Variants in USP13 observed in about 807,000 individuals in gnomAD.
USP13 encodes ubiquitin carboxyl-terminal hydrolase 13.
In USP13, 68 loss-of-function variants were observed where a neutral mutation model predicts 107.8. The observed-to-expected ratio is 0.63, with a 90% CI of 0.52 to 0.77. The LOEUF (loss-of-function observed/expected upper bound fraction) is 0.77, where lower values mean the gene tolerates loss of function less well. USP13 is among the 30% of genes least tolerant of loss of function. The pLI, the probability that USP13 is intolerant of heterozygous loss-of-function variation, is 0.00. For missense variants in USP13, 945 were observed against 1,093.3 expected, an observed-to-expected ratio of 0.86 and a Z score of 1.91; for synonymous variants, 377 against 389.5, an observed-to-expected ratio of 0.97 and a Z score of 0.38.
At position 179,681,898 on chromosome 3, in the gene USP13, T is replaced by C; in HGVS notation, c.189T>C (p.Tyr63=). 1 of 1,613,872 alleles carries C rather than the reference T, an allele frequency of 6.2e-7. No individual in the cohort carries two copies. Among genetic ancestry groups the C allele is most frequent in the African/African-American group, 1.3e-5 (1 of 75,046 alleles). ...YDSPNSEGGL[Y]VCMNTFLAFG... The stretch of plus-strand genomic sequence containing the variant: ...TCTAGAATTCTGAAGGTGGACTCTA[T>C]GTATGCATGAATACATTTTTGGCCT... Residue 63 remains tyrosine, a synonymous_variant, in exon 2 of 21, where the codon TAT becomes TAC. Coordinates refer to ENST00000263966, the MANE Select transcript of USP13 (RefSeq NM_003940.3).
chr3:179,705,482 T>C (rs998309053), intron 4 of USP13, among the ~76,000 whole-genome samples: 2 of 152,210 alleles, frequency 1.3e-5, no homozygotes, highest in Non-Finnish European at 2.9e-5. Context: ...TCTAGCTCTA[T>C]AGATTTGTCT....
At chr3:179,702,445 A>G (rs1712569287) in intron 4 of USP13, among the ~76,000 whole-genome samples, 1 of 152,016 alleles carries the variant, frequency 6.6e-6, no homozygotes. Flanking sequence ...TCCCTCCTCA[A>G]ACCATGCCAG....
intron 10 of USP13, among the ~76,000 whole-genome samples, chr3:179,739,284 C>A (rs1279880284): frequency 6.6e-6 from 1 of 152,192 alleles, no homozygotes; most frequent in Non-Finnish European, 1.5e-5. Context: ...GCCAGAGTTG[C>A]CCTGCTGCCT....
intron 8 of USP13, among the ~76,000 whole-genome samples, chr3:179,729,028 A>G (rs1159626745): frequency 6.6e-6 from 1 of 152,082 alleles, no homozygotes; most frequent in African/African-American, 2.4e-5. Context: ...TTAAAGAGAA[A>G]AATTACCCAA....
chr3:179,703,976 C>T (rs1400301245), intron 4 of USP13, among the ~76,000 whole-genome samples: 2 of 152,110 alleles, frequency 1.3e-5, no homozygotes, highest in Non-Finnish European at 2.9e-5. Context: ...GAGCCAGTTC[C>T]AGTGCAGAAC....
chr3:179,765,780 A>G lies in USP13; in HGVS notation c.2345A>G (p.Asn782Ser), dbSNP rs760239661. The G allele has an allele frequency of 1.2e-6, 2 of 1,614,234 alleles. No homozygotes were observed. Among genetic ancestry groups the G allele is most frequent in the Non-Finnish European group, 1.7e-6 (2 of 1,180,032 alleles). Residue 782 changes from asparagine (N) to serine (S), a missense_variant, in exon 19 of 21, where the codon AAT becomes AGT. By Grantham distance (46) the Asn-to-Ser change is conservative (BLOSUM62 1). Coordinates refer to ENST00000263966, the MANE Select transcript of USP13 (RefSeq NM_003940.3). ...AGTGATTTTGTGATTGAGATGGAGA[A>G]TAATGCCAATGCAAACATTATTTCT... ...EDSDFVIEME[N>S]NANANIISEA...
chr3:179,730,060 A>G, intron 8 of USP13, 129 bp from the exon 9 acceptor site: 1 of 788,620 alleles, frequency 1.3e-6, no homozygotes, highest in Non-Finnish European at 2.1e-6. Context: ...CTCATGAAAA[A>G]CTTTTCTTCA....
At chr3:179,670,261 C>T (rs1720711146) in intron 1 of USP13, among the ~76,000 whole-genome samples, 2 of 152,142 alleles carry the variant, frequency 1.3e-5, no homozygotes, top group African/African-American at 2.4e-5. Context: ...AAATTATCTT[C>T]GATGTCTCTT....
At chr3:179,751,763 G>T (rs1011215304) in intron 13 of USP13, among the ~76,000 whole-genome samples, 3 of 151,204 alleles carry the variant, frequency 2.0e-5, no homozygotes, top group African/African-American at 7.3e-5. Context: ...TCACTCTGTT[G>T]CCCAGGCTGG....
In USP13 at chr3:179,745,137, C is replaced by T. The variant is rs1156455363; in HGVS notation, c.1629C>T (p.Ala543=). The T allele has an allele frequency of 3.7e-6, 6 of 1,614,106 alleles. No homozygotes were observed. The highest frequency in any genetic ancestry group is 5.1e-6 in the Non-Finnish European group (6 of 1,180,024). ...ELVRAKIPFS[A]CLQAFSEPEN... ...TACGTGCCAAGATACCATTTAGTGC[C>T]TGCCTTCAGGCCTTCTCTGAACCAG... is the stretch of plus-strand genomic sequence containing the variant. Residue 543 remains alanine, a synonymous_variant, in exon 13 of 21, where the codon GCC becomes GCT. Transcript: ENST00000263966.
chr3:179,786,319 G>A lies in USP13; in HGVS notation c.*2178G>A, dbSNP rs567066866. 2 of 152,296 alleles carry A rather than the reference G, an allele frequency of 1.3e-5. No homozygotes were observed. The highest frequency in any genetic ancestry group is 1.3e-4 in the Admixed American group (2 of 15,306). 9.4% of individuals were successfully genotyped at this position (152,296 alleles called of 1,614,324 possible). On this transcript the variant is annotated 3_prime_UTR_variant, in exon 21 of 21. Coordinates refer to ENST00000263966, the MANE Select transcript of USP13 (RefSeq NM_003940.3). ...GTTTTTTGGAATTGGGGGTGACTGG[G>A]TGGTTTGGATTGAAATGTGGACAAA...
intron 4 of USP13, among the ~76,000 whole-genome samples, chr3:179,703,759 A>G (rs2268941): frequency 0.17 from 26,605 of 152,234 alleles, 2,576 homozygotes; most frequent in Non-Finnish European, 0.2. Flanking sequence ...GCTGACATGC[A>G]TGTAAATAAA....
chr3:179,662,212 C>T (rs1222289051), intron 1 of USP13, among the ~76,000 whole-genome samples: 1 of 152,170 alleles, frequency 6.6e-6, no homozygotes, highest in Non-Finnish European at 1.5e-5. Context: ...GCTCATTCTT[C>T]CCCAGCGCTG....
intron 13 of USP13, among the ~76,000 whole-genome samples, chr3:179,745,744 G>A (rs1714383840): frequency 6.6e-6 from 1 of 152,178 alleles, no homozygotes; most frequent in South Asian, 2.1e-4. Flanking sequence ...ACTTAGTCTA[G>A]AACTTGGTTG....
chr3:179,760,028 C>T (rs1268905331), intron 16 of USP13, among the ~76,000 whole-genome samples: 3 of 152,148 alleles, frequency 2.0e-5, no homozygotes, highest in African/African-American at 7.2e-5. Flanking sequence ...CTTCTCGGTT[C>T]TTTTCCTGAT....
intron 15 of USP13, among the ~76,000 whole-genome samples, chr3:179,756,177 C>T (rs1714786172): frequency 6.6e-6 from 1 of 152,168 alleles, no homozygotes; most frequent in Non-Finnish European, 1.5e-5. Context: ...ATAATCCCAG[C>T]ACTTGGGGAG....
At chr3:179,693,139 A>C (rs1229709431) in intron 3 of USP13, among the ~76,000 whole-genome samples, 1 of 152,094 alleles carries the variant, frequency 6.6e-6, no homozygotes, top group Non-Finnish European at 1.5e-5. Flanking sequence ...CCGTCATCCC[A>C]GTAGGAGTTC....
chr3:179,777,691 A>G (rs56665678), intron 19 of USP13, among the ~76,000 whole-genome samples: 1,623 of 151,876 alleles, frequency 0.011, 33 homozygotes, highest in African/African-American at 0.038. Flanking sequence ...AGCACAAGCA[A>G]TCCATCCACC....
chr3:179,713,163 TAGAA>T lies in USP13; in HGVS notation c.805+4209_805+4212del, dbSNP rs1442421716. 5.3e-5 allele frequency among the ~76,000 whole-genome samples: 8 copies of T among 152,340 alleles called. No homozygotes were observed. In the East Asian group the frequency reaches 7.7e-4, roughly 15 times the overall value. On this transcript the variant is annotated intron_variant, in intron 6 of 20. Coordinates refer to ENST00000263966, the MANE Select transcript of USP13 (RefSeq NM_003940.3). Reference sequence around the variant, plus strand: ...TATTTGAATGCATCTGTTTCAATCATAGAAAGTATAAAACATTTGGCAACAGCAA... The same window carrying T: ...TATTTGAATGCATCTGTTTCAATCATAGTATAAAACATTTGGCAACAGCAA...
Sources: allele counts gnomAD v4.1 joint callset (sites outside exome capture counted in the v4.1 genomes callset), GRCh38; gene constraint gnomAD v4.1.1; transcripts MANE v1.5; gene names NCBI Gene and HGNC (gene_info 2026-07-23, HGNC 2026-07-21).